The following WNT4 variants were observed in gnomAD, a reference collection of about 807,000 sequenced individuals.
WNT4 encodes the protein protein Wnt-4.
In WNT4, 16 loss-of-function variants were observed where a neutral mutation model predicts 34.5. That is an observed-to-expected ratio of 0.46 (90% confidence interval 0.31 to 0.70). WNT4 has a LOEUF of 0.70. Among genes scored for constraint, WNT4 ranks in the 30% least tolerant of loss-of-function variants. The probability of loss-of-function intolerance (pLI) is 0.04; values close to 1 mark genes in which losing one functional copy is unlikely to be tolerated. For synonymous variants in WNT4, 200 were observed against 211.9 expected (o/e 0.94, Z 0.49); for missense variants, 379 against 495.9 (o/e 0.76, Z 2.24).
rs1645866298 is a variant in WNT4, at chr1:22,118,519, C to T, written c.*1531G>A. On this transcript the variant is annotated 3_prime_UTR_variant, in exon 5 of 5. Coordinates refer to ENST00000290167, the MANE Select transcript of WNT4 (RefSeq NM_030761.5). The stretch of plus-strand genomic sequence containing the variant: ...GTCAGGCCCAGGTTGCTGGTGCTGT[C>T]TCTTGGGAAATCTTGCAGTACCTAT... The T allele has an allele frequency of 6.6e-6, 1 of 152,434 alleles. No individual in the cohort carries two copies. Among genetic ancestry groups the T allele is most frequent in the South Asian group, 2.1e-4 (1 of 4,836 alleles). The allele number at this position is 152,434 out of a possible 1,614,324, so 9.4% of individuals were successfully genotyped here.
intron 2 of WNT4, among the ~76,000 whole-genome samples, chr1:22,122,978 C>T (rs370025486): frequency 6.6e-6 from 1 of 152,244 alleles, no homozygotes; most frequent in African/African-American, 2.4e-5. Context: ...GGGGGCTTGG[C>T]TGGAGCAATG....
rs757307342 is a variant in WNT4 at position 22,120,512 on chromosome 1, G to C, written c.594C>G (p.Ile198Met). Reference protein sequence around the residue: ...LHNNEAGRKAILTHMRVECKC... With the variant: ...LHNNEAGRKAMLTHMRVECKC... ...TGCATTCCACCCGCATGTGTGTCAG[G>C]ATGGCCTGTGGGAGAGGGTGGGGGA... Residue 198 changes from isoleucine to methionine, a missense_variant, in exon 5 of 5, where the codon ATC (isoleucine) becomes ATG (methionine). Ile to Met is a conservative substitution (Grantham distance 10). Transcript: ENST00000290167. The C allele has an allele frequency of 6.2e-7, 1 of 1,610,714 alleles. No homozygotes were observed. Among genetic ancestry groups the C allele is most frequent in the South Asian group, 1.1e-5 (1 of 90,712 alleles).
chr1:22,129,292 G>C (rs1557927662), intron 2 of WNT4, among the ~76,000 whole-genome samples: 1 of 152,168 alleles, frequency 6.6e-6, no homozygotes, highest in Non-Finnish European at 1.5e-5. Context: ...TCCCCTGCCT[G>C]AGCCTCAGTT....
At position 22,121,052 on chromosome 1, in the gene WNT4, C is replaced by T. The variant is rs116992243; in HGVS notation, c.588+159G>A. Among the ~76,000 whole-genome samples, 134 of 152,270 alleles carry T rather than the reference C, an allele frequency of 8.8e-4. 2 individuals carry two copies. The East Asian group carries it at 0.025, about 29-fold the overall frequency. On this transcript the variant is annotated intron_variant, in intron 4 of 4. Transcript: ENST00000290167. ...AACGCCTGCCTGCCTGTCTGTACCC[C>T]CCTCTGGCCTGTCCTGAACCCCACT...
In WNT4 at chr1:22,119,859, T is replaced by G; in HGVS notation, c.*191A>C. The G allele has an allele frequency of 1.5e-6, 1 of 688,226 alleles. No homozygotes were observed. Among genetic ancestry groups the G allele is most frequent in the African/African-American group, 1.8e-5 (1 of 55,732 alleles). The allele number at this position is 688,226 out of a possible 1,614,324, so 42.6% of individuals were successfully genotyped here. ...AGTGGCAGCCACAAAGGCCCAGGCTTTGGGGAGGCCCTGGTTGGTGCCCTT... is the reference window on the plus strand; with the variant it reads ...AGTGGCAGCCACAAAGGCCCAGGCTGTGGGGAGGCCCTGGTTGGTGCCCTT... On this transcript the variant is annotated 3_prime_UTR_variant, in exon 5 of 5. Coordinates refer to ENST00000290167, the MANE Select transcript of WNT4 (RefSeq NM_030761.5).
At position 22,129,740 on chromosome 1, in the gene WNT4, G is replaced by A. The variant is rs1376727330; in HGVS notation, c.189C>T (p.Val63=). ...GGGCACCGCGGCGCACCGAGTCCAT[G>A]ACTTCCAGGTTCCGCTTGCACATCT... ...QVQMCKRNLE[V]MDSVRRGAQL... The change falls in exon 2 of 5, where the codon GTC becomes GTT. Residue 63 remains valine (V), a synonymous_variant. Coordinates refer to ENST00000290167, the MANE Select transcript of WNT4 (RefSeq NM_030761.5). 5.6e-6 allele frequency: 9 copies of A among 1,614,062 alleles called. No homozygotes were observed. In the South Asian group the frequency reaches 9.9e-5, roughly 18 times the overall value.
rs1290354302 is a variant in WNT4, at chr1:22,120,143, C to G, written c.963G>C (p.Glu321Asp). The G allele has an allele frequency of 3.1e-6, 5 of 1,613,366 alleles. No individual in the cohort carries two copies. In the South Asian group the frequency reaches 5.5e-5, roughly 18 times the overall value. Residue 321 changes from glutamate (E) to aspartate (D), a missense_variant, in exon 5 of 5, where the codon GAG (glutamate) becomes GAC (aspartate). Glu to Asp is a conservative substitution (Grantham distance 45). This residue lies in a region of WNT4 where 313 missense variants were observed against 445.8 expected (regional missense o/e 0.70). Coordinates refer to ENST00000290167, the MANE Select transcript of WNT4 (RefSeq NM_030761.5). ...ATTTGCAGCTGCAGCGTTCAGCCAG[C>G]TCCACCTGCGCCGTGTGGAAGCCGC... ...CGRGFHTAQVELAERCSCKFH... is the reference protein window; with the variant it reads ...CGRGFHTAQVDLAERCSCKFH...
Position 22,127,449 on chromosome 1 carries a change from A to C in WNT4, c.313+2167T>G. 3 of 533,384 alleles carry C rather than the reference A, an allele frequency of 5.6e-6. 1 individual carries two copies. Among genetic ancestry groups the C allele is most frequent in the South Asian group, 4.2e-5 (3 of 71,562 alleles). 33.0% of individuals were successfully genotyped at this position (533,384 alleles called of 1,614,324 possible). On this transcript the variant is annotated intron_variant, in intron 2 of 4. Transcript: ENST00000290167. Reference sequence around the variant, plus strand: ...GACCTGCTTTCTGTCAGTAGATGACATCCACTGTCTCCTCCATGCCAGGCT... The same window carrying C: ...GACCTGCTTTCTGTCAGTAGATGACCTCCACTGTCTCCTCCATGCCAGGCT...
chr1:22,122,423 T>A (rs1219811801), intron 2 of WNT4, among the ~76,000 whole-genome samples: 1 of 151,960 alleles, frequency 6.6e-6, no homozygotes, highest in Admixed American at 6.5e-5. Context: ...AGTGGTTCTA[T>A]TTTGGTGCCC....
rs916745502 is a variant in WNT4, at chr1:22,137,282, G to A, written c.77+5564C>T. Among the ~76,000 whole-genome samples the A allele has an allele frequency of 1.3e-5, 2 of 152,284 alleles. No individual in the cohort carries two copies. The highest frequency in any genetic ancestry group is 1.5e-5 in the Non-Finnish European group (1 of 68,016). On this transcript the variant is annotated intron_variant, in intron 1 of 4. Coordinates refer to ENST00000290167, the MANE Select transcript of WNT4 (RefSeq NM_030761.5). The surrounding 1 kb of genome is among the most constrained non-coding windows in gnomAD (Gnocchi z 5.3). ...GTCACGGCAGGGAGCGAGCCGTCCCGAGTTTGGCTGAATCACAGAAGATGC... is the reference window on the plus strand; with the variant it reads ...GTCACGGCAGGGAGCGAGCCGTCCCAAGTTTGGCTGAATCACAGAAGATGC...
intron 2 of WNT4, among the ~76,000 whole-genome samples, chr1:22,122,666 G>A (rs1197988319): frequency 2.7e-5 from 4 of 148,494 alleles, no homozygotes; most frequent in South Asian, 2.1e-4. Context: ...GTCTGTGTCC[G>A]CAGGAGCGGA....
rs965868495 is a variant in WNT4 at position 22,137,122 on chromosome 1, C to T, written c.77+5724G>A. 1.3e-5 allele frequency among the ~76,000 whole-genome samples: 2 copies of T among 152,312 alleles called. No homozygotes were observed. The highest frequency in any genetic ancestry group is 4.8e-5 in the African/African-American group (2 of 41,574). ...CTCCTCTCCCCTGGAGGACGCATCC[C>T]TTCCTCCTCCCACCTCCCTCCCGCT... On this transcript the variant is annotated intron_variant, in intron 1 of 4. Coordinates refer to ENST00000290167, the MANE Select transcript of WNT4 (RefSeq NM_030761.5). This position sits in a 1 kb window ranked among gnomAD's most constrained non-coding sequence, Gnocchi z 5.3.
Position 22,118,076 on chromosome 1 carries a change from G to A in WNT4, c.*1974C>T, listed in dbSNP as rs1213057984. 1 of 152,252 alleles carries A rather than the reference G, an allele frequency of 6.6e-6. No individual in the cohort carries two copies. Among genetic ancestry groups the A allele is most frequent in the East Asian group, 1.9e-4 (1 of 5,186 alleles). 9.4% of individuals were successfully genotyped at this position (152,252 alleles called of 1,614,324 possible). A position where few individuals can be genotyped will look rare whatever the true frequency, so the allele number is the denominator to read the frequency against. On this transcript the variant is annotated 3_prime_UTR_variant, in exon 5 of 5. Transcript: ENST00000290167. ...GAATGTGGCTCCAGCACCTCACTTG[G>A]TTTTGGCTTCCTCCTTGTATGGACA...
intron 1 of WNT4, among the ~76,000 whole-genome samples, chr1:22,141,691 C>T (rs569344575): frequency 6.6e-6 from 1 of 152,344 alleles, no homozygotes; most frequent in South Asian, 2.1e-4. Flanking sequence ...CCAACGAACA[C>T]ACTCCTTCCA....
At chr1:22,130,144 G>T (rs1249027620) in intron 1 of WNT4, among the ~76,000 whole-genome samples, 1 of 152,214 alleles carries the variant, frequency 6.6e-6, no homozygotes, top group East Asian at 1.9e-4. Context: ...TGCCCTGGCA[G>T]CCCCCGTGCC....
At position 22,121,372 on chromosome 1, in the gene WNT4, A is replaced by C; in HGVS notation, c.446-19T>G. The C allele has an allele frequency of 6.2e-7, 1 of 1,614,040 alleles. No homozygotes were observed. The highest frequency in any genetic ancestry group is 8.5e-7 in the Non-Finnish European group (1 of 1,180,022). Reference sequence around the variant, plus strand: ...TGGAAGCCTGGGGTGTGGTGGGCACAGAAAGGGCTGCGGTGAGTGAGGGCC... The same window carrying C: ...TGGAAGCCTGGGGTGTGGTGGGCACCGAAAGGGCTGCGGTGAGTGAGGGCC... On this transcript the variant is annotated intron_variant, in intron 3 of 4. Transcript: ENST00000290167.
intron 2 of WNT4, 109 bp downstream of exon 2, chr1:22,129,507 T>G: frequency 7.4e-7 from 1 of 1,343,192 alleles, no homozygotes; most frequent in Non-Finnish European, 1.0e-6. Context: ...CTGGTTTTGC[T>G]TCAGAAATGA....
At chr1:22,121,059 G>C (rs1645893849) in intron 4 of WNT4, 152 bp downstream of exon 4, 1 of 1,322,386 alleles carries the variant, frequency 7.6e-7, no homozygotes, top group African/African-American at 1.5e-5. Context: ...CCCCCCTCTG[G>C]CCTGTCCTGA....
At chr1:22,127,330 A>G (rs1419854222) in intron 2 of WNT4, 1 of 531,504 alleles carries the variant, frequency 1.9e-6, no homozygotes, top group Admixed American at 1.9e-5. Context: ...AAAGGTAAGG[A>G]GGGCTTCTCA....
Sources: allele counts gnomAD v4.1 joint callset (sites outside exome capture counted in the v4.1 genomes callset), GRCh38; gene constraint gnomAD v4.1.1; regional missense constraint gnomAD v4.1.1; non-coding constraint Gnocchi (gnomAD v3.1); transcripts MANE v1.5; gene names NCBI Gene and HGNC (gene_info 2026-07-23, HGNC 2026-07-21).